SORBS2: variants seen among roughly 807,000 people sequenced by gnomAD.
SORBS2 encodes sorbin and SH3 domain-containing protein 2.
In SORBS2, 46 loss-of-function variants were observed where a neutral mutation model predicts 97.7. The observed-to-expected ratio is 0.47, with a 90% CI of 0.37 to 0.60. The LOEUF (loss-of-function observed/expected upper bound fraction) is 0.60, where lower values mean the gene tolerates loss of function less well. SORBS2 is among the 20% of genes least tolerant of loss of function. The probability of loss-of-function intolerance (pLI) is 0.00; values close to 1 mark genes in which losing one functional copy is unlikely to be tolerated. For synonymous variants in SORBS2, 476 were observed against 473.4 expected (o/e 1.01, Z -0.07); for missense variants, 1,316 against 1,282.3 (o/e 1.03, Z -0.40).
intron 1 of SORBS2, among the ~76,000 whole-genome samples, chr4:185,853,736 C>A (rs936411077): frequency 3.9e-5 from 6 of 152,112 alleles, no homozygotes; most frequent in Non-Finnish European, 8.8e-5. Context: ...GGAGTAGAAA[C>A]ATGGCGAGTG....
At chr4:185,722,807 C>T (rs2098526084) in intron 2 of SORBS2, among the ~76,000 whole-genome samples, 1 of 152,120 alleles carries the variant, frequency 6.6e-6, no homozygotes, top group South Asian at 2.1e-4. Flanking sequence ...TTTAATGTCA[C>T]CCAAAAGCCT....
At chr4:185,881,950 T>C in intron 1 of SORBS2, among the ~76,000 whole-genome samples, 1 of 152,328 alleles carries the variant, frequency 6.6e-6, no homozygotes, top group East Asian at 1.9e-4. Context: ...TCCTTAATTA[T>C]TTTCAAAATC....
At chr4:185,873,248 G>A (rs930950052) in intron 1 of SORBS2, among the ~76,000 whole-genome samples, 4 of 152,084 alleles carry the variant, frequency 2.6e-5, no homozygotes, top group African/African-American at 4.8e-5. Flanking sequence ...CTGACACACC[G>A]TTTGCATCTC....
chr4:185,919,752 C>T (rs747841362), intron 1 of SORBS2, among the ~76,000 whole-genome samples: 22 of 152,182 alleles, frequency 1.4e-4, no homozygotes, highest in Non-Finnish European at 2.6e-4. Flanking sequence ...TTTGCTTCAC[C>T]GTTTATCAGT....
chr4:185,831,908 A>T (rs2099205367), intron 1 of SORBS2, among the ~76,000 whole-genome samples: 1 of 152,242 alleles, frequency 6.6e-6, no homozygotes, highest in Non-Finnish European at 1.5e-5. Flanking sequence ...CTAGCACCTT[A>T]TTAAAATGGT....
intron 2 of SORBS2, among the ~76,000 whole-genome samples, chr4:185,694,057 G>A (rs773198031): frequency 6.6e-6 from 1 of 152,208 alleles, no homozygotes; most frequent in Non-Finnish European, 1.5e-5. Flanking sequence ...CAGTGATTGA[G>A]CTCTCAAGAA....
intron 2 of SORBS2, among the ~76,000 whole-genome samples, chr4:185,707,475 A>G (rs781673962): frequency 1.3e-5 from 2 of 151,968 alleles, no homozygotes; most frequent in East Asian, 3.9e-4. Context: ...GCTCATGTAT[A>G]CTATAATTAC....
chr4:185,844,698 C>T (rs1320791191), intron 1 of SORBS2, among the ~76,000 whole-genome samples: 1 of 152,100 alleles, frequency 6.6e-6, no homozygotes. Context: ...AAGGTAGAAA[C>T]AAACCAAATG....
intron 1 of SORBS2, 72 bp from the exon 10 acceptor site, chr4:185,652,800 C>A (rs1378386419): frequency 2.7e-5 from 30 of 1,118,372 alleles, no homozygotes; most frequent in Non-Finnish European, 3.8e-5. Context: ...GTTTTCATTT[C>A]TCTATTTTAT....
chr4:185,953,853 C>T (rs534396193), intron 1 of SORBS2, among the ~76,000 whole-genome samples: 37 of 152,366 alleles, frequency 2.4e-4, no homozygotes, highest in Admixed American at 3.3e-4. Context: ...GCCAATCTCC[C>T]CGGTGTGGGC....
rs556889156 is a variant in SORBS2 at position 185,881,145 on chromosome 4, A to G, written c.-338+75051T>C. 2.0e-5 allele frequency among the ~76,000 whole-genome samples: 3 copies of G among 152,338 alleles called. 1 individual carries two copies. Among genetic ancestry groups the G allele is most frequent in the South Asian group, 4.1e-4 (2 of 4,826 alleles). ...TAATATCATTGAAACAAGGTCAAAC[A>G]TGGTTAAATAATAAAACTAGGGGAG... On this transcript the variant is annotated intron_variant, in intron 1 of 20. Transcript: ENST00000284776.
At chr4:185,792,351 G>C (rs977456109) in intron 1 of SORBS2, among the ~76,000 whole-genome samples, 2 of 152,134 alleles carry the variant, frequency 1.3e-5, no homozygotes, top group Non-Finnish European at 2.9e-5. Flanking sequence ...AAAATTAGCT[G>C]GGTGTGGTGG....
At chr4:185,843,627 C>G (rs11132356) in intron 1 of SORBS2, among the ~76,000 whole-genome samples, 58,185 of 151,942 alleles carry the variant, frequency 0.38, 11,684 homozygotes, top group Middle Eastern at 0.48. Flanking sequence ...ATAAATCTAA[C>G]AAGATACATG....
chr4:185,673,573 T>A (rs1171850686), intron 4 of SORBS2, among the ~76,000 whole-genome samples: 3 of 152,226 alleles, frequency 2.0e-5, no homozygotes, highest in Non-Finnish European at 4.4e-5. Flanking sequence ...AGAATTACCA[T>A]GAAGCAGGCA....
At chr4:185,635,401 T>G in intron 4 of SORBS2, 1 of 1,613,314 alleles carries the variant, frequency 6.2e-7, no homozygotes, top group Non-Finnish European at 8.5e-7. Flanking sequence ...GTCCAGAGGC[T>G]TTTTAGGAGG....
At chr4:185,665,520 A>G (rs1365209601) in intron 4 of SORBS2, among the ~76,000 whole-genome samples, 1 of 152,268 alleles carries the variant, frequency 6.6e-6, no homozygotes, top group Non-Finnish European at 1.5e-5. Flanking sequence ...TAGAGTAACT[A>G]TAAGTAATTC....
intron 1 of SORBS2, among the ~76,000 whole-genome samples, chr4:185,883,102 A>C (rs1363195674): frequency 2.6e-5 from 4 of 152,176 alleles, no homozygotes; most frequent in African/African-American, 9.6e-5. Flanking sequence ...AGATACTGCT[A>C]AGAGAATAGA....
At chr4:185,909,645 A>C (rs1220176767) in intron 1 of SORBS2, among the ~76,000 whole-genome samples, 1 of 152,220 alleles carries the variant, frequency 6.6e-6, no homozygotes, top group Non-Finnish European at 1.5e-5. Flanking sequence ...AAAGATTCTG[A>C]AGAATTATGA....
chr4:185,608,859 T>A (rs2096484188), intron 12 of SORBS2, among the ~76,000 whole-genome samples: 1 of 152,152 alleles, frequency 6.6e-6, no homozygotes, highest in Non-Finnish European at 1.5e-5. Context: ...AGCTGATTGT[T>A]TAGGATAACA....
Sources: allele counts gnomAD v4.1 joint callset (sites outside exome capture counted in the v4.1 genomes callset), GRCh38; gene constraint gnomAD v4.1.1; transcripts MANE v1.5; gene names NCBI Gene and HGNC (gene_info 2026-07-23, HGNC 2026-07-21).